Variants in VPS13B observed in about 807,000 individuals in gnomAD.
VPS13B encodes the protein intermembrane lipid transfer protein VPS13B.
VPS13B carries 285 observed loss-of-function variants against 426.4 expected under a neutral mutation model. The observed-to-expected ratio is 0.67, with a 90% confidence interval of 0.61 to 0.74. The LOEUF is 0.74. Among genes scored for constraint, VPS13B ranks in the 30% least tolerant of loss-of-function variants. The pLI is 0.00. For missense variants in VPS13B, 4,537 were observed against 4,782.6 expected (o/e 0.95, Z 1.51); for synonymous variants, 1,676 against 1,676.4 (o/e 1.00, Z 0.01).
rs1588491835 is a variant in VPS13B at position 99,556,797 on chromosome 8, A to G, written c.4949+144A>G. The G allele has an allele frequency of 4.3e-6, 4 of 922,912 alleles. No homozygotes were observed. The East Asian group carries it at 1.1e-4, about 24-fold the overall frequency. 57.2% of individuals were successfully genotyped at this position (922,912 alleles called of 1,614,324 possible). A position where few individuals can be genotyped will look rare whatever the true frequency, so the allele number is the denominator to read the frequency against. On this transcript the variant is annotated intron_variant, in intron 31 of 61. Coordinates refer to ENST00000357162, the MANE Select transcript of VPS13B (RefSeq NM_152564.5). The stretch of plus-strand genomic sequence containing the variant: ...ATTATAAGCATAAAAAATATTTTGT[A>G]ATTGTAGCTGATGATTTGGCATGGA...
chr8:99,271,245 C>G (rs1563639186), intron 17 of VPS13B, among the ~76,000 whole-genome samples: 199 of 146,100 alleles, frequency 1.4e-3, no homozygotes, highest in African/African-American at 4.9e-3. Context: ...ACTACTACTA[C>G]TACGATGATG....
At chr8:99,162,576 C>T (rs1026915651) in intron 15 of VPS13B, among the ~76,000 whole-genome samples, 5 of 151,902 alleles carry the variant, frequency 3.3e-5, no homozygotes, top group South Asian at 2.1e-4. Context: ...TTCGTGGTCT[C>T]GCTGGCTCAG....
chr8:99,244,084 A>C (rs1242239066), intron 17 of VPS13B, among the ~76,000 whole-genome samples: 1 of 152,262 alleles, frequency 6.6e-6, no homozygotes, highest in African/African-American at 2.4e-5. Flanking sequence ...TCTAAGGTTA[A>C]CATATTTTCC....
chr8:99,650,407 A>G (rs1829760428), intron 34 of VPS13B, among the ~76,000 whole-genome samples: 1 of 152,152 alleles, frequency 6.6e-6, no homozygotes, highest in African/African-American at 2.4e-5. Context: ...CTTCTTGTCA[A>G]CCTGCCTTCC....
chr8:99,077,368 C>T (rs1845188506), intron 3 of VPS13B, among the ~76,000 whole-genome samples: 1 of 152,024 alleles, frequency 6.6e-6, no homozygotes, highest in African/African-American at 2.4e-5. Context: ...CAGGTTTTCT[C>T]CCTGTTGGTC....
At chr8:99,040,349 A>G (rs1842918655) in intron 3 of VPS13B, among the ~76,000 whole-genome samples, 1 of 152,208 alleles carries the variant, frequency 6.6e-6, no homozygotes, top group Non-Finnish European at 1.5e-5. Context: ...TGGTTTGTAC[A>G]GCAAAAGGTT....
intron 35 of VPS13B, among the ~76,000 whole-genome samples, chr8:99,692,805 T>C (rs1431478968): frequency 1.4e-5 from 2 of 146,644 alleles, no homozygotes; most frequent in African/African-American, 5.2e-5. Flanking sequence ...TAGCAAGACT[T>C]ATAAAGAAAA....
intron 43 of VPS13B, among the ~76,000 whole-genome samples, chr8:99,791,188 G>C (rs1490425538): frequency 6.6e-6 from 1 of 152,158 alleles, no homozygotes; most frequent in African/African-American, 2.4e-5. Flanking sequence ...AAAAATTGCA[G>C]AAGAGATATG....
At chr8:99,281,379 C>T (rs1819162783) in intron 19 of VPS13B, among the ~76,000 whole-genome samples, 1 of 152,218 alleles carries the variant, frequency 6.6e-6, no homozygotes, top group Admixed American at 6.5e-5. Context: ...AATGGAGGCA[C>T]TGACTGCCCT....
intron 33 of VPS13B, among the ~76,000 whole-genome samples, chr8:99,593,739 A>ATGATG (rs1826822097): frequency 6.6e-6 from 1 of 152,060 alleles, no homozygotes; most frequent in Non-Finnish European, 1.5e-5. Flanking sequence ...AAAAAGGAAC[A>ATGATG]AGATCGTGTA....
At chr8:99,318,629 C>T (rs1031483358) in intron 19 of VPS13B, among the ~76,000 whole-genome samples, 1 of 152,150 alleles carries the variant, frequency 6.6e-6, no homozygotes, top group African/African-American at 2.4e-5. Context: ...AAGCGATTCT[C>T]CTGCCTCAGC....
chr8:99,757,500 AG>A (rs2130573464), intron 39 of VPS13B, among the ~76,000 whole-genome samples: 1 of 152,326 alleles, frequency 6.6e-6, no homozygotes, highest in Admixed American at 6.5e-5. Context: ...GAGTGGAGAA[AG>A]GGGTAATGGC....
chr8:99,856,832 C>G (rs763526462), intron 56 of VPS13B, among the ~76,000 whole-genome samples: 1 of 152,248 alleles, frequency 6.6e-6, no homozygotes, highest in South Asian at 2.1e-4. Flanking sequence ...CAGAGCGAGA[C>G]TCCATCTCCA....
chr8:99,822,697 C>T (rs1407450017), intron 50 of VPS13B, among the ~76,000 whole-genome samples: 1 of 152,156 alleles, frequency 6.6e-6, no homozygotes, highest in Non-Finnish European at 1.5e-5. Context: ...TCTTTTTAGT[C>T]TCAGGACCCC....
chr8:99,144,325 C>T (rs1406328573), intron 13 of VPS13B, among the ~76,000 whole-genome samples: 1 of 151,328 alleles, frequency 6.6e-6, no homozygotes, highest in African/African-American at 2.4e-5. Flanking sequence ...GACCCAGTCT[C>T]TACAAAAGAT....
chr8:99,718,232 C>T (rs1432290206), intron 37 of VPS13B, among the ~76,000 whole-genome samples: 2 of 151,926 alleles, frequency 1.3e-5, no homozygotes, highest in Non-Finnish European at 2.9e-5. Context: ...TGCCACCACA[C>T]CCAGCTAATG....
chr8:99,350,440 T>G (rs905133981), intron 19 of VPS13B, among the ~76,000 whole-genome samples: 4 of 152,196 alleles, frequency 2.6e-5, no homozygotes, highest in Non-Finnish European at 4.4e-5. Flanking sequence ...GAGTGAGTGT[T>G]GCTTGACCAG....
At chr8:99,348,479 A>G (rs529732796) in intron 19 of VPS13B, among the ~76,000 whole-genome samples, 118 of 152,378 alleles carry the variant, frequency 7.7e-4, no homozygotes, top group Non-Finnish European at 1.2e-3. Context: ...GATGACATGC[A>G]AAAGTTATTT....
At chr8:99,170,940 A>C (rs1473859843) in intron 16 of VPS13B, among the ~76,000 whole-genome samples, 2 of 151,768 alleles carry the variant, frequency 1.3e-5, no homozygotes, top group Non-Finnish European at 3.0e-5. Flanking sequence ...ACTAAAAATG[A>C]CATAACCTTT....
Sources: gnomAD v4.1 joint callset for allele counts (sites outside exome capture counted in the v4.1 genomes callset) on GRCh38, gnomAD v4.1.1 for gene constraint, MANE v1.5 for transcripts, NCBI Gene and HGNC (gene_info 2026-07-23, HGNC 2026-07-21) for gene names.